Variants in SLC22A9 observed in about 807,000 individuals in gnomAD.
SLC22A9 encodes the protein solute carrier family 22 member 9, also known as organic anion transporter 7.
SLC22A9 carries 64 observed loss-of-function variants against 50.1 expected under a neutral mutation model. That is an observed-to-expected ratio of 1.28 (90% CI 1.04 to 1.57). The LOEUF is 1.57. SLC22A9 is among the 40% of genes most tolerant of loss of function. The pLI is 0.00. For missense variants in SLC22A9, 757 were observed against 676.1 expected (o/e 1.12, Z -1.33); for synonymous variants, 261 against 242.5 (o/e 1.08, Z -0.71).
At chr11:63,401,306 G>T (rs770081366) in intron 6 of SLC22A9, among the ~76,000 whole-genome samples, 1 of 151,916 alleles carries the variant, frequency 6.6e-6, no homozygotes, top group Admixed American at 6.6e-5. Flanking sequence ...CAGTAAAGTC[G>T]CAGGATACAA....
Position 63,375,744 on chromosome 11 carries a change from T to C in SLC22A9, c.930T>C (p.Asn310=), listed in dbSNP as rs2014449579. 1 of 1,612,522 alleles carries C rather than the reference T, an allele frequency of 6.2e-7. No individual in the cohort carries two copies. Among genetic ancestry groups the C allele is most frequent in the Non-Finnish European group, 8.5e-7 (1 of 1,178,932 alleles). ...CTGCACACAGGAGTGGAATGAAGAA[T>C]GCCAGAGACACCCTAACCCTGGAGG... ...RKAAHRSGMK[N]ARDTLTLEIL... Residue 310 remains asparagine (N), a synonymous_variant, in exon 5 of 10, where the codon AAT becomes AAC. Coordinates refer to ENST00000279178, the MANE Select transcript of SLC22A9 (RefSeq NM_080866.3).
At chr11:63,401,503 C>A (rs1231465630) in intron 6 of SLC22A9, among the ~76,000 whole-genome samples, 1 of 151,936 alleles carries the variant, frequency 6.6e-6, no homozygotes, top group Non-Finnish European at 1.5e-5. Context: ...GAAAGACATC[C>A]CATGTGCATG....
chr11:63,396,180 C>T (rs560285023), intron 6 of SLC22A9, among the ~76,000 whole-genome samples: 7 of 152,278 alleles, frequency 4.6e-5, no homozygotes, highest in Admixed American at 3.3e-4. Context: ...CCTGTGGAGT[C>T]TGCAGGCCAA....
chr11:63,396,353 G>A (rs2014856595), intron 6 of SLC22A9, among the ~76,000 whole-genome samples: 1 of 152,200 alleles, frequency 6.6e-6, no homozygotes, highest in Admixed American at 6.5e-5. Context: ...GGCCTAGCAA[G>A]CTCCCAGGGC....
At chr11:63,401,953 GT>G (rs1210489155) in intron 6 of SLC22A9, among the ~76,000 whole-genome samples, 1 of 151,726 alleles carries the variant, frequency 6.6e-6, no homozygotes, top group Non-Finnish European at 1.5e-5. Flanking sequence ...TAATGGGTTT[GT>G]TTGTTTGTTT....
intron 6 of SLC22A9, among the ~76,000 whole-genome samples, chr11:63,387,955 T>C (rs894360959): frequency 3.9e-5 from 6 of 152,116 alleles, no homozygotes; most frequent in Admixed American, 1.3e-4. Context: ...TGGTTCCTTA[T>C]TGGCATATAG....
chr11:63,397,572 C>A (rs1187813463), intron 6 of SLC22A9, among the ~76,000 whole-genome samples: 1 of 152,156 alleles, frequency 6.6e-6, no homozygotes, highest in Non-Finnish European at 1.5e-5. Flanking sequence ...TCTACTGTGG[C>A]TGAGCTGGCA....
At chr11:63,387,887 G>GTATTT (rs1247991060) in intron 6 of SLC22A9, among the ~76,000 whole-genome samples, 31 of 151,848 alleles carry the variant, frequency 2.0e-4, no homozygotes, top group East Asian at 1.5e-3. Flanking sequence ...TAATTTCTAG[G>GTATTT]TATTTTATTT....
intron 5 of SLC22A9, 108 bp downstream of exon 5, chr11:63,375,876 T>C: frequency 3.6e-6 from 5 of 1,405,720 alleles, no homozygotes; most frequent in Non-Finnish European, 4.8e-6. Flanking sequence ...AACACAGGTA[T>C]GGTTATGGGC....
intron 6 of SLC22A9, among the ~76,000 whole-genome samples, chr11:63,398,221 C>T (rs569766094): frequency 1.9e-4 from 29 of 152,260 alleles, no homozygotes; most frequent in Non-Finnish European, 4.0e-4. Context: ...GGACCCTATT[C>T]TACTGTGGCT....
chr11:63,403,175 T>G (rs1363272461), intron 6 of SLC22A9, among the ~76,000 whole-genome samples: 1 of 152,122 alleles, frequency 6.6e-6, no homozygotes. Flanking sequence ...CATTTTCTGA[T>G]TAAATTATCA....
chr11:63,407,902 TC>T (rs1362772364), intron 7 of SLC22A9, among the ~76,000 whole-genome samples: 1 of 152,224 alleles, frequency 6.6e-6, no homozygotes, highest in African/African-American at 2.4e-5. Context: ...ATAGCTCAGA[TC>T]CTTTTTATGC....
chr11:63,405,990 T>C (rs1465225016), intron 6 of SLC22A9, among the ~76,000 whole-genome samples: 1 of 152,190 alleles, frequency 6.6e-6, no homozygotes, highest in East Asian at 1.9e-4. Context: ...TATCTTCAGT[T>C]CTCTTTGTCA....
At chr11:63,384,990 TG>T (rs1183683682) in intron 6 of SLC22A9, among the ~76,000 whole-genome samples, 1 of 151,870 alleles carries the variant, frequency 6.6e-6, no homozygotes, top group Non-Finnish European at 1.5e-5. Context: ...GGAGTTTTTT[TG>T]TTTTTTCCTT....
intron 6 of SLC22A9, among the ~76,000 whole-genome samples, chr11:63,392,790 C>T (rs1565186817): frequency 1.3e-5 from 2 of 152,038 alleles, no homozygotes; most frequent in African/African-American, 4.8e-5. Flanking sequence ...AATGCAAACA[C>T]CACTTTTACA....
chr11:63,406,426 A>G, intron 6 of SLC22A9, 71 bp from the exon 7 acceptor site: 1 of 1,404,924 alleles, frequency 7.1e-7, no homozygotes, highest in Non-Finnish European at 1.0e-6. Flanking sequence ...GCCTGGGCCA[A>G]TATTATTCTC....
chr11:63,381,813 TG>T (rs1190409739), intron 5 of SLC22A9, among the ~76,000 whole-genome samples: 2 of 152,188 alleles, frequency 1.3e-5, no homozygotes, highest in African/African-American at 4.8e-5. Context: ...GTGGTCCAAA[TG>T]GAGCTTTGGA....
intron 6 of SLC22A9, among the ~76,000 whole-genome samples, chr11:63,389,109 CTTTTAA>C (rs1436938647): frequency 1.3e-5 from 2 of 151,700 alleles, no homozygotes; most frequent in Admixed American, 6.6e-5. Context: ...CAAAAACTAA[CTTTTAA>C]TTTTATTGAT....
intron 6 of SLC22A9, among the ~76,000 whole-genome samples, chr11:63,390,765 C>T (rs1034508353): frequency 6.6e-6 from 1 of 152,098 alleles, no homozygotes; most frequent in Non-Finnish European, 1.5e-5. Context: ...AGCATTGAAT[C>T]TATGAATTAC....
Sources: allele counts gnomAD v4.1 joint callset (sites outside exome capture counted in the v4.1 genomes callset), GRCh38; gene constraint gnomAD v4.1.1; transcripts MANE v1.5; gene names NCBI Gene and HGNC (gene_info 2026-07-23, HGNC 2026-07-21).